Variants in ADAMTS19 observed in about 807,000 individuals in gnomAD.
ADAMTS19 encodes the protein A disintegrin and metalloproteinase with thrombospondin motifs 19.
Under a neutral mutation model 153.3 loss-of-function variants are expected in ADAMTS19, and 93 were observed. The ratio of observed to expected loss-of-function variants is 0.61; its 90% CI spans 0.51 to 0.72. The LOEUF (loss-of-function observed/expected upper bound fraction) is 0.72. ADAMTS19 is among the 30% of genes least tolerant of loss of function. The probability of loss-of-function intolerance (pLI) is 0.00; values close to 1 mark genes in which losing one functional copy is unlikely to be tolerated. For synonymous variants in ADAMTS19, 600 were observed against 556.6 expected, an observed-to-expected ratio of 1.08 and a Z score of -1.10; for missense variants, 1,482 against 1,552.1, an observed-to-expected ratio of 0.95 and a Z score of 0.76.
At chr5:129,567,014 G>T (rs1385542818) in intron 7 of ADAMTS19, among the ~76,000 whole-genome samples, 1 of 152,046 alleles carries the variant, frequency 6.6e-6, no homozygotes, top group Admixed American at 6.6e-5. Context: ...GCGAAAAAGA[G>T]CATGGAGAGG....
intron 3 of ADAMTS19, among the ~76,000 whole-genome samples, chr5:129,524,876 A>T (rs115652404): frequency 0.029 from 4,482 of 152,004 alleles, 85 homozygotes; most frequent in South Asian, 0.062. Context: ...TTTTAAGAGC[A>T]TTTCTTCCCA....
At chr5:129,551,763 T>A (rs910191199) in intron 6 of ADAMTS19, 101 bp from the exon 7 acceptor site, 1 of 667,540 alleles carries the variant, frequency 1.5e-6, no homozygotes, top group Non-Finnish European at 2.6e-6. Flanking sequence ...AGATGACAGA[T>A]GTGCTTCAAT....
intron 8 of ADAMTS19, among the ~76,000 whole-genome samples, chr5:129,617,382 C>G (rs1751577801): frequency 6.6e-6 from 1 of 152,016 alleles, no homozygotes; most frequent in African/African-American, 2.4e-5. Context: ...TTGTAATCAT[C>G]CATATTTGGA....
intron 3 of ADAMTS19, among the ~76,000 whole-genome samples, chr5:129,514,193 T>C (rs1222935311): frequency 1.2e-4 from 18 of 152,126 alleles, no homozygotes; most frequent in Admixed American, 1.1e-3. Context: ...CATCTGCTGA[T>C]GGACACTTGG....
intron 8 of ADAMTS19, among the ~76,000 whole-genome samples, chr5:129,601,252 C>A (rs1395258401): frequency 6.6e-6 from 1 of 152,134 alleles, no homozygotes; most frequent in East Asian, 1.9e-4. Flanking sequence ...ACATATTCAT[C>A]AAATATAATT....
At chr5:129,635,835 A>G (rs1287032977) in intron 10 of ADAMTS19, among the ~76,000 whole-genome samples, 1 of 152,180 alleles carries the variant, frequency 6.6e-6, no homozygotes, top group Non-Finnish European at 1.5e-5. Flanking sequence ...TCATACCCCC[A>G]TGACACAAGT....
chr5:129,652,369 A>G (rs1235985979), intron 13 of ADAMTS19, among the ~76,000 whole-genome samples: 3 of 152,220 alleles, frequency 2.0e-5, no homozygotes, highest in Non-Finnish European at 4.4e-5. Flanking sequence ...CCTGCCTAGG[A>G]GAATTAAATG....
chr5:129,626,868 C>A (rs1752075185), intron 10 of ADAMTS19, among the ~76,000 whole-genome samples: 1 of 151,952 alleles, frequency 6.6e-6, no homozygotes, highest in Non-Finnish European at 1.5e-5. Context: ...TCAGGTAAAA[C>A]AGGAAGTACT....
intron 3 of ADAMTS19, among the ~76,000 whole-genome samples, chr5:129,522,922 G>A (rs532271902): frequency 3.3e-4 from 50 of 152,164 alleles, no homozygotes; most frequent in Admixed American, 2.9e-3. Flanking sequence ...TGGGCATTGT[G>A]GTGCATGCCT....
At position 129,725,288 on chromosome 5, in the gene ADAMTS19, A is replaced by T. The variant is rs906482929; in HGVS notation, c.3313-9644A>T. On this transcript the variant is annotated intron_variant, in intron 21 of 22. Transcript: ENST00000274487. ...TTGACCTTTTGACTGGGGGTGTTATATGTTGGCATGCTTCTGGGGTCTTCC... is the reference window on the plus strand; with the variant it reads ...TTGACCTTTTGACTGGGGGTGTTATTTGTTGGCATGCTTCTGGGGTCTTCC... 3.3e-5 allele frequency among the ~76,000 whole-genome samples: 5 copies of T among 152,084 alleles called. No homozygotes were observed. The South Asian group carries it at 1.0e-3, about 32-fold the overall frequency.
chr5:129,602,181 C>CCT (rs1750684069), intron 8 of ADAMTS19, among the ~76,000 whole-genome samples: 3 of 152,212 alleles, frequency 2.0e-5, no homozygotes, highest in Non-Finnish European at 4.4e-5. Context: ...CAACCTCTGC[C>CCT]TCCTGGGTTC....
At chr5:129,551,145 C>G (rs914342901) in intron 6 of ADAMTS19, among the ~76,000 whole-genome samples, 1 of 151,520 alleles carries the variant, frequency 6.6e-6, no homozygotes, top group Non-Finnish European at 1.5e-5. Flanking sequence ...AATAATTTGC[C>G]TAAGATCACA....
At chr5:129,730,070 A>G (rs1187917781) in intron 21 of ADAMTS19, among the ~76,000 whole-genome samples, 1 of 152,122 alleles carries the variant, frequency 6.6e-6, no homozygotes, top group East Asian at 1.9e-4. Context: ...TAATCCCTTA[A>G]AAGTTTTAGT....
intron 19 of ADAMTS19, among the ~76,000 whole-genome samples, chr5:129,695,182 C>T (rs1342389567): frequency 1.3e-5 from 2 of 152,058 alleles, no homozygotes; most frequent in Non-Finnish European, 2.9e-5. Flanking sequence ...CTGAATTCTC[C>T]AAAACGGTGT....
At chr5:129,580,967 T>G (rs1749485465) in intron 7 of ADAMTS19, among the ~76,000 whole-genome samples, 1 of 152,014 alleles carries the variant, frequency 6.6e-6, no homozygotes, top group Admixed American at 6.6e-5. Flanking sequence ...TAGGGAGGAG[T>G]CCCTCCTTTT....
intron 10 of ADAMTS19, among the ~76,000 whole-genome samples, chr5:129,638,197 G>C (rs569808076): frequency 2.4e-4 from 36 of 152,284 alleles, no homozygotes; most frequent in African/African-American, 8.7e-4. Context: ...TAAGTTCCTT[G>C]AAAGAGTGTT....
At chr5:129,565,640 G>A (rs1318008113) in intron 7 of ADAMTS19, among the ~76,000 whole-genome samples, 2 of 151,918 alleles carry the variant, frequency 1.3e-5, no homozygotes, top group Non-Finnish European at 2.9e-5. Context: ...CTTTTTCCTA[G>A]CCTTTCATTA....
intron 7 of ADAMTS19, among the ~76,000 whole-genome samples, chr5:129,580,468 T>C (rs1483228871): frequency 6.6e-6 from 1 of 152,122 alleles, no homozygotes; most frequent in Non-Finnish European, 1.5e-5. Flanking sequence ...GTCCAATATA[T>C]GTTAAATAGG....
At chr5:129,514,793 G>A (rs1245838439) in intron 3 of ADAMTS19, among the ~76,000 whole-genome samples, 2 of 151,914 alleles carry the variant, frequency 1.3e-5, no homozygotes, top group African/African-American at 4.8e-5. Flanking sequence ...TTAACTTGAT[G>A]TGATCCCATT....
Sources: gnomAD v4.1 joint callset for allele counts (sites outside exome capture counted in the v4.1 genomes callset) on GRCh38, gnomAD v4.1.1 for gene constraint, MANE v1.5 for transcripts, NCBI Gene and HGNC (gene_info 2026-07-23, HGNC 2026-07-21) for gene names.